The following TSPOAP1 variants were observed in gnomAD, a reference collection of about 807,000 sequenced individuals.
TSPOAP1 encodes the protein TSPO associated protein 1.
A neutral mutation model predicts 197.0 loss-of-function variants in TSPOAP1; 87 were observed. That is an observed-to-expected ratio of 0.44 (90% CI 0.37 to 0.53). The LOEUF is 0.53. TSPOAP1 is among the 20% of genes least tolerant of loss of function. TSPOAP1 has a pLI of 0.00. For synonymous variants in TSPOAP1, 913 were observed against 998.9 expected, an observed-to-expected ratio of 0.91 and a Z score of 1.62; for missense variants, 2,174 against 2,411.3, an observed-to-expected ratio of 0.90 and a Z score of 2.06.
intron 22 of TSPOAP1, 21 bp downstream of exon 22, chr17:58,308,520 G>A (rs1225791673): frequency 1.3e-6 from 2 of 1,505,842 alleles, no homozygotes; most frequent in Non-Finnish European, 1.8e-6. Flanking sequence ...GGGCTGCCCA[G>A]GGCGGGGAGT....
chr17:58,311,141 A>G lies in TSPOAP1; in HGVS notation c.3154T>C (p.Cys1052Arg), dbSNP rs1200616771. The G allele has an allele frequency of 6.2e-7, 1 of 1,609,560 alleles. No individual in the cohort carries two copies. Among genetic ancestry groups the G allele is most frequent in the East Asian group, 2.2e-5 (1 of 44,704 alleles). The change falls in exon 19 of 32, where the codon TGT becomes CGT. Residue 1052 changes from cysteine (C) to arginine (R), a missense_variant. By Grantham distance (180) the Cys-to-Arg change is radical. Transcript: ENST00000343736. ...ELSQLQLLQV[C>R]REVVVRTMSP... ...ATGGTGCGCACGACCACCTCACGAC[A>G]CACCTGCAGCAGCTGCAGCTGGGAC...
chr17:58,310,396 G>A, intron 20 of TSPOAP1, 116 bp downstream of exon 20: 1 of 1,463,310 alleles, frequency 6.8e-7, no homozygotes. Flanking sequence ...CCAAAGGTGT[G>A]AGAGCAGGAC....
At position 58,326,618 on chromosome 17, in the gene TSPOAP1, GGAGGGCACTGAGGCA is replaced by G; in HGVS notation, c.441+50_441+64del. On this transcript the variant is annotated intron_variant, in intron 2 of 31. Transcript: ENST00000343736. The surrounding 1 kb of genome is among the most constrained non-coding windows in gnomAD (Gnocchi z 4.7). ...ACTTGGAAAGATGTTCATGGGGTGAGGAGGGCACTGAGGCAGAGGGCCTGGCTCCAGCCAGAACGC... is the reference window on the plus strand; with the variant it reads ...ACTTGGAAAGATGTTCATGGGGTGAGGAGGGCCTGGCTCCAGCCAGAACGC... 6 of 1,568,766 alleles carry G rather than the reference GGAGGGCACTGAGGCA, an allele frequency of 3.8e-6. No individual in the cohort carries two copies. Among genetic ancestry groups the G allele is most frequent in the Non-Finnish European group, 5.3e-6 (6 of 1,140,898 alleles).
intron 5 of TSPOAP1, 94 bp from the exon 6 acceptor site, chr17:58,323,639 C>T: frequency 1.5e-6 from 2 of 1,313,908 alleles, no homozygotes; most frequent in Admixed American, 2.2e-5. Flanking sequence ...GTTCCCACCC[C>T]ATCATTCAGC....
At position 58,327,560 on chromosome 17, in the gene TSPOAP1, A is replaced by G. The variant is rs768280460; in HGVS notation, c.333+28T>C. On this transcript the variant is annotated intron_variant, in intron 1 of 31. Coordinates refer to ENST00000343736, the MANE Select transcript of TSPOAP1 (RefSeq NM_004758.4). Reference sequence around the variant, plus strand: ...ACATGGTGAGAGACCCCCACCTTGCAGACCCCAGCCCTCCACAGATCCCTT... The same window carrying G: ...ACATGGTGAGAGACCCCCACCTTGCGGACCCCAGCCCTCCACAGATCCCTT... The G allele has an allele frequency of 2.8e-5, 44 of 1,590,592 alleles. No homozygotes were observed. In the South Asian group the frequency reaches 3.9e-4, roughly 14 times the overall value.
At chr17:58,311,753 T>C in intron 17 of TSPOAP1, 31 bp from the exon 18 acceptor site, 1 of 1,534,858 alleles carries the variant, frequency 6.5e-7, no homozygotes, top group South Asian at 1.3e-5. Flanking sequence ...GACCCAGTGA[T>C]GCAGGACGCT....
rs752869216 is a variant in TSPOAP1, at chr17:58,304,598, G to T, written c.5545-199C>A. On this transcript the variant is annotated intron_variant, in intron 30 of 31. Transcript: ENST00000343736. The surrounding 1 kb of genome is among the most constrained non-coding windows in gnomAD (Gnocchi z 4.2). ...GCCCTCTGAGAGTGGAGGCTTAGTT[G>T]TATTCCACTCACCCCAAGGAGAGGC... 4.1e-5 allele frequency: 25 copies of T among 604,306 alleles called. No individual in the cohort carries two copies. The African/African-American group carries it at 4.5e-4, about 11-fold the overall frequency. The allele number at this position is 604,306 out of a possible 1,614,324, so 37.4% of individuals were successfully genotyped here.
intron 16 of TSPOAP1, among the ~76,000 whole-genome samples, chr17:58,314,185 T>G (rs1473735525): frequency 6.6e-6 from 1 of 151,984 alleles, no homozygotes; most frequent in East Asian, 1.9e-4. Flanking sequence ...CTCCACCCTC[T>G]CTCTCTCTGC....
chr17:58,312,037 G>A lies in TSPOAP1; in HGVS notation c.2784C>T (p.Tyr928=), dbSNP rs1360915433. The stretch of plus-strand genomic sequence containing the variant: ...GCCGTAAGTGGCAGAAGGTGGCCCA[G>A]TAGGTACTGGGGCTGGCAGGTGGGC... ...EECPPASPST[Y]WATFCHLRPG... is the part of the protein sequence containing the mutation. Residue 928 remains tyrosine, a synonymous_variant, in exon 17 of 32, where the codon TAC becomes TAT. Coordinates refer to ENST00000343736, the MANE Select transcript of TSPOAP1 (RefSeq NM_004758.4). The A allele has an allele frequency of 3.7e-6, 6 of 1,613,572 alleles. No individual in the cohort carries two copies. In the South Asian group the frequency reaches 4.4e-5, roughly 12 times the overall value.
chr17:58,322,937 G>A lies in TSPOAP1; in HGVS notation c.1194+13C>T. ...GAGCACAGGTCTCCACAGCACCTGG[G>A]CGGAAGTGGTACCTGCTCCTTCTCT... On this transcript the variant is annotated intron_variant, in intron 8 of 31. Coordinates refer to ENST00000343736, the MANE Select transcript of TSPOAP1 (RefSeq NM_004758.4). This position sits in a 1 kb window ranked among gnomAD's most constrained non-coding sequence, Gnocchi z 5.0. 2 of 1,608,120 alleles carry A rather than the reference G, an allele frequency of 1.2e-6. No individual in the cohort carries two copies. Among genetic ancestry groups the A allele is most frequent in the Non-Finnish European group, 1.7e-6 (2 of 1,177,264 alleles).
chr17:58,322,781 C>T lies in TSPOAP1; in HGVS notation c.1195-5G>A, dbSNP rs1230364901. ...CTCCGCATTCTCCCACTCCACCTGGCGAGGGGGCAGTGACAGGGAGTTGGG... is the reference window on the plus strand; with the variant it reads ...CTCCGCATTCTCCCACTCCACCTGGTGAGGGGGCAGTGACAGGGAGTTGGG... On this transcript the variant is annotated splice_polypyrimidine_tract_variant and splice_region_variant and intron_variant, in intron 8 of 31. Coordinates refer to ENST00000343736, the MANE Select transcript of TSPOAP1 (RefSeq NM_004758.4). This position sits in a 1 kb window ranked among gnomAD's most constrained non-coding sequence, Gnocchi z 5.0. 1.2e-5 allele frequency: 20 copies of T among 1,612,308 alleles called. No individual in the cohort carries two copies. The highest frequency in any genetic ancestry group is 3.3e-5 in the South Asian group (3 of 91,060).
At chr17:58,318,690 C>T (rs941100902) in intron 13 of TSPOAP1, among the ~76,000 whole-genome samples, 1 of 152,294 alleles carries the variant, frequency 6.6e-6, no homozygotes, top group African/African-American at 2.4e-5. Context: ...TTACAGCTTA[C>T]GAAACTATGG....
chr17:58,319,035 A>G lies in TSPOAP1; in HGVS notation c.1699+55T>C, dbSNP rs770117602. Reference sequence around the variant, plus strand: ...TCTCTGATCCTGAACTCCCTGCTCTATCCAAAAGCCCAGGCCTGGGGATTC... The same window carrying G: ...TCTCTGATCCTGAACTCCCTGCTCTGTCCAAAAGCCCAGGCCTGGGGATTC... On this transcript the variant is annotated intron_variant, in intron 13 of 31. Coordinates refer to ENST00000343736, the MANE Select transcript of TSPOAP1 (RefSeq NM_004758.4). 43 of 1,443,180 alleles carry G rather than the reference A, an allele frequency of 3.0e-5. No individual in the cohort carries two copies. The South Asian group carries it at 5.1e-4, about 17-fold the overall frequency. The allele number at this position is 1,443,180 out of a possible 1,614,324, so 89.4% of individuals were successfully genotyped here.
Position 58,326,802 on chromosome 17 carries a change from A to G in TSPOAP1, c.334-12T>C. On this transcript the variant is annotated splice_polypyrimidine_tract_variant and intron_variant, in intron 1 of 31. Coordinates refer to ENST00000343736, the MANE Select transcript of TSPOAP1 (RefSeq NM_004758.4). This position sits in a 1 kb window ranked among gnomAD's most constrained non-coding sequence, Gnocchi z 4.7. ...ATATTCAGCTTGGCCTGGCATGGGA[A>G]AGGACCGAGGACAGCACCTCAGAAA... 6.2e-7 allele frequency: 1 copy of G among 1,613,134 alleles called. No individual in the cohort carries two copies.
At chr17:58,320,409 G>T in intron 11 of TSPOAP1, 122 bp downstream of exon 11, 1 of 1,193,498 alleles carries the variant, frequency 8.4e-7, no homozygotes. Flanking sequence ...AGGTCCTGGA[G>T]CATTTAAGGG....
In TSPOAP1 at chr17:58,326,756, T is replaced by C. The variant is rs778267395; in HGVS notation, c.368A>G (p.Asn123Ser). Residue 123 changes from asparagine (N) to serine (S), a missense_variant, in exon 2 of 32, where the codon AAT becomes AGT. Coordinates refer to ENST00000343736, the MANE Select transcript of TSPOAP1 (RefSeq NM_004758.4). This position sits in a 1 kb window ranked among gnomAD's most constrained non-coding sequence, Gnocchi z 4.7. ...CCCCAGGGCCCTCAGCAGCTCCAGA[T>C]TGGGCCTGTCCCCAAAGCTCATATT... Reference protein sequence around the residue: ...KLNMSFGDRPNLELLRALGEL... With the variant: ...KLNMSFGDRPSLELLRALGEL... 4 of 1,614,078 alleles carry C rather than the reference T, an allele frequency of 2.5e-6. No homozygotes were observed. The highest frequency in any genetic ancestry group is 3.3e-5 in the Admixed American group (2 of 60,020).
chr17:58,323,989 C>T (rs1299668131), intron 5 of TSPOAP1, among the ~76,000 whole-genome samples: 1 of 152,198 alleles, frequency 6.6e-6, no homozygotes, highest in Non-Finnish European at 1.5e-5. Flanking sequence ...TGGGCTTGGC[C>T]TAGAGCAGCG....
chr17:58,320,387 G>T, intron 11 of TSPOAP1, 144 bp downstream of exon 11: 1 of 1,072,990 alleles, frequency 9.3e-7, no homozygotes. Context: ...CAGTGGTGGA[G>T]GGGACTCCCC....
At chr17:58,308,100 A>G (rs917570115) in intron 22 of TSPOAP1, among the ~76,000 whole-genome samples, 159 bp from the exon 23 acceptor site, 1 of 151,348 alleles carries the variant, frequency 6.6e-6, no homozygotes, top group Non-Finnish European at 1.5e-5. Context: ...GACCTCAGAC[A>G]CCCCCACAGT....
Sources: gnomAD v4.1 joint callset for allele counts (sites outside exome capture counted in the v4.1 genomes callset) on GRCh38, gnomAD v4.1.1 for gene constraint, Gnocchi (gnomAD v3.1) non-coding constraint, MANE v1.5 for transcripts, NCBI Gene and HGNC (gene_info 2026-07-23, HGNC 2026-07-21) for gene names.